PCDHA1: variants seen among roughly 807,000 people sequenced by gnomAD.
PCDHA1 encodes the protein protocadherin alpha-1.
In PCDHA1, 42 loss-of-function variants were observed where a neutral mutation model predicts 61.3. That is an observed-to-expected ratio of 0.69 (90% CI 0.54 to 0.89). PCDHA1 has a LOEUF of 0.89. PCDHA1 is among the 40% of genes least tolerant of loss of function. The probability of loss-of-function intolerance (pLI) is 0.00; values close to 1 mark genes in which losing one functional copy is unlikely to be tolerated. For synonymous variants in PCDHA1, 610 were observed against 553.8 expected, an observed-to-expected ratio of 1.10 and a Z score of -1.43; for missense variants, 1,256 against 1,235.3, an observed-to-expected ratio of 1.02 and a Z score of -0.25.
In PCDHA1 at chr5:140,982,560, C is replaced by G. The variant is rs782437404; in HGVS notation, c.2539C>G (p.Pro847Ala). The G allele has an allele frequency of 5.6e-6, 9 of 1,614,098 alleles. No homozygotes were observed. Among genetic ancestry groups the G allele is most frequent in the South Asian group, 4.4e-5 (4 of 91,078 alleles). ...QQWPTVSSAT[P>A]EPEAGEVSPP... ...GTGGCCAACAGTATCCAGTGCAACA[C>G]CAGGTAAAGAGCTGGGGTCTCTCCA... Residue 847 changes from proline to alanine, a missense_variant, in exon 3 of 4, where the codon CCA (proline) becomes GCA (alanine). Physicochemically the swap from Pro to Ala is conservative, Grantham distance 27. Coordinates refer to ENST00000504120, the MANE Select transcript of PCDHA1 (RefSeq NM_018900.4).
At chr5:140,990,109 T>C (rs2097374572) in intron 3 of PCDHA1, among the ~76,000 whole-genome samples, 1 of 151,886 alleles carries the variant, frequency 6.6e-6, no homozygotes, top group African/African-American at 2.4e-5. Context: ...AAACAGGAAA[T>C]TGAGAGCTCT....
chr5:140,809,124 G>C, intron 1 of PCDHA1: 4 of 1,613,980 alleles, frequency 2.5e-6, no homozygotes, highest in Non-Finnish European at 3.4e-6. Flanking sequence ...CCGCGCCACC[G>C]CCTACTGGTA....
At position 140,788,117 on chromosome 5, in the gene PCDHA1, T is replaced by C. The variant is rs782542310; in HGVS notation, c.1827T>C (p.Tyr609=). 1 of 1,613,960 alleles carries C rather than the reference T, an allele frequency of 6.2e-7. No individual in the cohort carries two copies. Among genetic ancestry groups the C allele is most frequent in the Non-Finnish European group, 8.5e-7 (1 of 1,179,918 alleles). The part of the protein sequence containing the change: ...ADSGYNAWLS[Y]ELQPAAGGAR... ...CGGGCTACAACGCGTGGCTGTCCTA[T>C]GAACTGCAGCCGGCAGCAGGCGGCG... Residue 609 remains tyrosine (Y), a synonymous_variant, in exon 1 of 4, where the codon TAT becomes TAC. Coordinates refer to ENST00000504120, the MANE Select transcript of PCDHA1 (RefSeq NM_018900.4).
intron 1 of PCDHA1, chr5:140,816,542 C>T (rs1473760184): frequency 6.6e-6 from 1 of 151,480 alleles, no homozygotes; most frequent in Non-Finnish European, 1.5e-5. Flanking sequence ...TGGGCACGCA[C>T]TATTTGATTG....
At position 140,849,901 on chromosome 5, in the gene PCDHA1, C is replaced by T. The variant is rs1554143464; in HGVS notation, c.2394+61217C>T. On this transcript the variant is annotated intron_variant, in intron 1 of 3. Coordinates refer to ENST00000504120, the MANE Select transcript of PCDHA1 (RefSeq NM_018900.4). ...ACGGTGTTCGTGAAGGAGAACAACC[C>T]GCCGGGCTGCCACATCTTCACGGTG... 8.1e-6 allele frequency: 13 copies of T among 1,598,462 alleles called. 2 individuals are homozygous for T. The highest frequency in any genetic ancestry group is 1.1e-5 in the South Asian group (1 of 90,542).
rs1368212237 is a variant in PCDHA1 at position 140,829,797 on chromosome 5, G to A, written c.2394+41113G>A. 1.8e-5 allele frequency: 29 copies of A among 1,613,734 alleles called. No individual in the cohort carries two copies. The highest frequency in any genetic ancestry group is 2.4e-5 in the Non-Finnish European group (28 of 1,179,884). Reference sequence around the variant, plus strand: ...AACGCGCCGGCGCTGCTGGCGCCTCGGGTGGGTGGTACTGGTGGTGCAGTG... The same window carrying A: ...AACGCGCCGGCGCTGCTGGCGCCTCAGGTGGGTGGTACTGGTGGTGCAGTG... On this transcript the variant is annotated intron_variant, in intron 1 of 3. Coordinates refer to ENST00000504120, the MANE Select transcript of PCDHA1 (RefSeq NM_018900.4).
intron 1 of PCDHA1, among the ~76,000 whole-genome samples, chr5:140,965,818 A>G (rs1554227859): frequency 2.6e-5 from 4 of 152,344 alleles, no homozygotes; most frequent in African/African-American, 9.6e-5. Flanking sequence ...AGAGCATTTT[A>G]AACATTTAAA....
chr5:140,870,118 A>C, intron 1 of PCDHA1: 1 of 1,613,892 alleles, frequency 6.2e-7, no homozygotes, highest in Non-Finnish European at 8.5e-7. Context: ...CTGGGTGGAA[A>C]TCTTGGACAC....
chr5:140,987,892 A>C (rs1383983251), intron 3 of PCDHA1, among the ~76,000 whole-genome samples: 1 of 152,094 alleles, frequency 6.6e-6, no homozygotes, highest in Non-Finnish European at 1.5e-5. Flanking sequence ...TATGTGCCCT[A>C]GTTTTATATG....
chr5:140,999,687 A>G (rs1554256930), intron 3 of PCDHA1, among the ~76,000 whole-genome samples: 2 of 152,044 alleles, frequency 1.3e-5, no homozygotes, highest in Non-Finnish European at 2.9e-5. Flanking sequence ...AGAAAGAAGA[A>G]ATGTGATTTT....
intron 1 of PCDHA1, chr5:140,796,364 A>G: frequency 6.2e-7 from 1 of 1,612,896 alleles, no homozygotes; most frequent in South Asian, 1.1e-5. Context: ...GTGAAGGAGA[A>G]CAACCCGCCG....
At position 140,807,822 on chromosome 5, in the gene PCDHA1, T is replaced by C. The variant is rs781816070; in HGVS notation, c.2394+19138T>C. On this transcript the variant is annotated intron_variant, in intron 1 of 3. Transcript: ENST00000504120. ...GAAGCTCCGGAGATTTTTTTAGTGC[T>C]CACAGCCACTGATGGAGGCAAACCC... is the stretch of plus-strand genomic sequence containing the variant. The C allele has an allele frequency of 7.4e-6, 12 of 1,614,038 alleles. No individual in the cohort carries two copies. The East Asian group carries it at 2.7e-4, about 36-fold the overall frequency.
intron 1 of PCDHA1, chr5:140,835,638 T>A: frequency 6.2e-7 from 1 of 1,613,926 alleles, no homozygotes. Flanking sequence ...CGAGAGTGTG[T>A]CCGCCTATGA....
chr5:140,948,029 T>A (rs1372869400), intron 1 of PCDHA1, among the ~76,000 whole-genome samples: 1 of 151,594 alleles, frequency 6.6e-6, no homozygotes, highest in African/African-American at 2.4e-5. Flanking sequence ...TCTGGTTTGC[T>A]CAGAGTTTTA....
At chr5:140,878,693 C>A (rs932928385) in intron 1 of PCDHA1, among the ~76,000 whole-genome samples, 6 of 152,254 alleles carry the variant, frequency 3.9e-5, no homozygotes, top group South Asian at 2.1e-4. Flanking sequence ...TCTTACATAC[C>A]CCAGCCTGGT....
chr5:140,834,191 T>G, intron 1 of PCDHA1: 1 of 586,888 alleles, frequency 1.7e-6, no homozygotes, highest in South Asian at 2.5e-5. Context: ...ATGATGTCGC[T>G]CTTTACCGCA....
intron 3 of PCDHA1, among the ~76,000 whole-genome samples, chr5:141,000,278 G>A (rs574420053): frequency 6.6e-6 from 1 of 151,194 alleles, no homozygotes; most frequent in South Asian, 2.1e-4. Flanking sequence ...GGGAGGCAGA[G>A]GTGGGAATAT....
intron 1 of PCDHA1, among the ~76,000 whole-genome samples, chr5:140,903,666 A>T (rs1554191076): frequency 6.6e-6 from 1 of 152,228 alleles, no homozygotes; most frequent in African/African-American, 2.4e-5. Flanking sequence ...AATTTAACTG[A>T]TATAAAAGAT....
intron 1 of PCDHA1, chr5:140,812,675 A>G (rs1355656965): frequency 6.6e-6 from 1 of 152,180 alleles, no homozygotes; most frequent in Non-Finnish European, 1.5e-5. Flanking sequence ...GTACAGAGGC[A>G]CGATCATAGC....
Sources: allele counts gnomAD v4.1 joint callset (sites outside exome capture counted in the v4.1 genomes callset), GRCh38; gene constraint gnomAD v4.1.1; transcripts MANE v1.5; gene names NCBI Gene and HGNC (gene_info 2026-07-23, HGNC 2026-07-21).